The following IMMP2L variants were observed in gnomAD, a reference collection of about 807,000 sequenced individuals.
IMMP2L encodes inner mitochondrial membrane peptidase subunit 2, also known as mitochondrial inner membrane protease subunit 2.
In IMMP2L, 18 loss-of-function variants were observed where a neutral mutation model predicts 19.3. The ratio of observed to expected loss-of-function variants is 0.93; its 90% CI spans 0.64 to 1.38. The LOEUF (loss-of-function observed/expected upper bound fraction) is 1.38, where lower values mean the gene tolerates loss of function less well. Among genes scored for constraint, IMMP2L ranks in the 40% most tolerant of loss-of-function variants. The pLI, the probability that IMMP2L is intolerant of heterozygous loss-of-function variation, is 0.00. For synonymous variants in IMMP2L, 76 were observed against 73.0 expected, an observed-to-expected ratio of 1.04 and a Z score of -0.21; for missense variants, 233 against 218.2, an observed-to-expected ratio of 1.07 and a Z score of -0.43.
At chr7:110,871,279 C>T (rs1056741328) in intron 5 of IMMP2L, among the ~76,000 whole-genome samples, 5 of 151,986 alleles carry the variant, frequency 3.3e-5, no homozygotes, top group Admixed American at 6.6e-5. Context: ...TCTGGAGATA[C>T]GAATCTGAGC....
intron 3 of IMMP2L, among the ~76,000 whole-genome samples, chr7:111,393,142 A>C (rs1473533084): frequency 6.6e-6 from 1 of 152,074 alleles, no homozygotes; most frequent in Non-Finnish European, 1.5e-5. Flanking sequence ...ACCAGCCTGC[A>C]ACCTGAAGCT....
chr7:111,517,657 C>T (rs1397505907), intron 2 of IMMP2L, among the ~76,000 whole-genome samples: 3 of 152,036 alleles, frequency 2.0e-5, no homozygotes, highest in African/African-American at 7.2e-5. Context: ...CCTCTGTAAG[C>T]GATTAAAGTT....
chr7:111,493,962 T>C (rs1166000714), intron 2 of IMMP2L, among the ~76,000 whole-genome samples: 2 of 151,476 alleles, frequency 1.3e-5, no homozygotes, highest in South Asian at 2.1e-4. Flanking sequence ...ACCACGCCAC[T>C]GCACTCCAGC....
intron 3 of IMMP2L, among the ~76,000 whole-genome samples, chr7:111,273,148 G>C (rs1818657903): frequency 2.0e-5 from 3 of 151,968 alleles, no homozygotes; most frequent in Admixed American, 2.0e-4. Context: ...ATGGTGGCGG[G>C]CATCTGTAAT....
chr7:110,840,218 C>T (rs559624636), intron 5 of IMMP2L, among the ~76,000 whole-genome samples: 4 of 152,070 alleles, frequency 2.6e-5, no homozygotes, highest in Non-Finnish European at 4.4e-5. Flanking sequence ...GACATAGGAG[C>T]GGTAATAGCT....
chr7:111,304,875 A>C (rs2130106155), intron 3 of IMMP2L, among the ~76,000 whole-genome samples: 1 of 152,202 alleles, frequency 6.6e-6, no homozygotes, highest in Non-Finnish European at 1.5e-5. Context: ...AAAAGAAACA[A>C]CAACCAACAC....
At chr7:111,479,922 C>G (rs1016271940) in intron 3 of IMMP2L, among the ~76,000 whole-genome samples, 2 of 151,966 alleles carry the variant, frequency 1.3e-5, no homozygotes, top group Non-Finnish European at 2.9e-5. Flanking sequence ...AACACAAAAT[C>G]TCGGTAATTC....
intron 3 of IMMP2L, among the ~76,000 whole-genome samples, chr7:111,286,427 G>GTCA (rs1289518971): frequency 3.2e-4 from 48 of 152,166 alleles, no homozygotes; most frequent in African/African-American, 1.1e-3. Flanking sequence ...ATCTGTCAAT[G>GTCA]ATTACACCAC....
Position 111,017,316 on chromosome 7 carries a change from G to A in IMMP2L, c.240-53751C>T, listed in dbSNP as rs1275538248. On this transcript the variant is annotated intron_variant, in intron 3 of 5. Coordinates refer to ENST00000405709, the MANE Select transcript of IMMP2L (RefSeq NM_032549.4). ...TAGGCTCAAGTGATCCTCTTGCCTGGGCCTCCCAAAGTACTGGGATTACAG... is the reference window on the plus strand; with the variant it reads ...TAGGCTCAAGTGATCCTCTTGCCTGAGCCTCCCAAAGTACTGGGATTACAG... Among the ~76,000 whole-genome samples, 4 of 151,576 alleles carry A rather than the reference G, an allele frequency of 2.6e-5. No individual in the cohort carries two copies. In the East Asian group the frequency reaches 7.8e-4, roughly 29 times the overall value.
At position 111,506,675 on chromosome 7, in the gene IMMP2L, G is replaced by A. The variant is rs148033367; in HGVS notation, c.135+14638C>T. Among the ~76,000 whole-genome samples, 892 of 152,268 alleles carry A rather than the reference G, an allele frequency of 5.9e-3. 9 individuals are homozygous for A. Among genetic ancestry groups the A allele is most frequent in the Admixed American group, 8.4e-3 (128 of 15,300 alleles). On this transcript the variant is annotated intron_variant, in intron 2 of 5. Coordinates refer to ENST00000405709, the MANE Select transcript of IMMP2L (RefSeq NM_032549.4). The stretch of plus-strand genomic sequence containing the variant: ...CTCCCAAAGTGCTGGGATTACAGGC[G>A]TGAGCCACCACGCCCGACCCTTAAT...
chr7:110,766,444 T>C (rs1418678874), intron 5 of IMMP2L, among the ~76,000 whole-genome samples: 1 of 151,822 alleles, frequency 6.6e-6, no homozygotes, highest in Non-Finnish European at 1.5e-5. Context: ...ATGCATATAT[T>C]AGCCGGGCGT....
intron 3 of IMMP2L, among the ~76,000 whole-genome samples, chr7:111,290,316 C>A (rs1350503049): frequency 6.6e-6 from 1 of 151,994 alleles, no homozygotes; most frequent in Non-Finnish European, 1.5e-5. Flanking sequence ...CCTCACTGTG[C>A]AACACATAAT....
chr7:111,534,110 C>T (rs956053956), intron 1 of IMMP2L, among the ~76,000 whole-genome samples: 2 of 151,944 alleles, frequency 1.3e-5, no homozygotes, highest in Admixed American at 6.6e-5. Flanking sequence ...ATCAAACTGA[C>T]AAATTTAATA....
rs181507869 is a variant in IMMP2L, at chr7:111,233,230, C to T, written c.239+254008G>A. ...CCCTTTACAGCATGATTAATAAATA[C>T]AATCTCTAAAATAATAGTTTATTAG... On this transcript the variant is annotated intron_variant, in intron 3 of 5. Coordinates refer to ENST00000405709, the MANE Select transcript of IMMP2L (RefSeq NM_032549.4). Among the ~76,000 whole-genome samples the T allele has an allele frequency of 3.3e-3, 500 of 152,178 alleles. 4 individuals are homozygous for T. Among genetic ancestry groups the T allele is most frequent in the Non-Finnish European group, 5.2e-3 (353 of 68,008 alleles).
At chr7:111,049,004 A>G (rs1237256392) in intron 3 of IMMP2L, among the ~76,000 whole-genome samples, 1 of 152,088 alleles carries the variant, frequency 6.6e-6, no homozygotes, top group Non-Finnish European at 1.5e-5. Context: ...GTAGAGACCA[A>G]CTTAAATATA....
intron 3 of IMMP2L, among the ~76,000 whole-genome samples, chr7:111,259,825 A>G (rs1817125193): frequency 6.6e-6 from 1 of 152,116 alleles, no homozygotes; most frequent in Non-Finnish European, 1.5e-5. Context: ...TTTTAAAAAA[A>G]TATTTTCTTT....
intron 3 of IMMP2L, among the ~76,000 whole-genome samples, chr7:111,031,515 T>A (rs1452597462): frequency 1.3e-5 from 2 of 151,958 alleles, no homozygotes; most frequent in Non-Finnish European, 2.9e-5. Context: ...ACCAAAATTT[T>A]AAAAACATAT....
At chr7:110,724,432 A>G (rs1795763885) in intron 5 of IMMP2L, 1 of 152,172 alleles carries the variant, frequency 6.6e-6, no homozygotes. Context: ...AAGCACTCCT[A>G]TCAAGAAATT....
intron 3 of IMMP2L, among the ~76,000 whole-genome samples, chr7:111,378,683 C>A (rs1332686767): frequency 6.6e-6 from 1 of 151,758 alleles, no homozygotes; most frequent in Non-Finnish European, 1.5e-5. Flanking sequence ...TTATAATATC[C>A]AATTGCATTC....
Sources: allele counts gnomAD v4.1 joint callset (sites outside exome capture counted in the v4.1 genomes callset), GRCh38; gene constraint gnomAD v4.1.1; transcripts MANE v1.5; gene names NCBI Gene and HGNC (gene_info 2026-07-23, HGNC 2026-07-21).